TMTC2: variants seen among roughly 807,000 people sequenced by gnomAD.
TMTC2 encodes protein O-mannosyl-transferase TMTC2.
A neutral mutation model predicts 82.4 loss-of-function variants in TMTC2; 43 were observed. That is an observed-to-expected ratio of 0.52 (90% CI 0.41 to 0.67). The LOEUF is 0.67. TMTC2 is among the 30% of genes least tolerant of loss of function. The pLI, the probability that TMTC2 is intolerant of heterozygous loss-of-function variation, is 0.00. For missense variants in TMTC2, 919 were observed against 1,012.4 expected (o/e 0.91, Z 1.25); for synonymous variants, 408 against 381.9 (o/e 1.07, Z -0.80).
At chr12:82,870,667 T>A (rs1420848125) in intron 2 of TMTC2, among the ~76,000 whole-genome samples, 1 of 152,192 alleles carries the variant, frequency 6.6e-6, no homozygotes, top group Non-Finnish European at 1.5e-5. Context: ...GTGGGATTTT[T>A]AAAAAGGCCA....
chr12:82,964,983 T>C, intron 4 of TMTC2, 41 bp from the exon 5 acceptor site: 1 of 1,463,946 alleles, frequency 6.8e-7, no homozygotes, highest in Non-Finnish European at 9.5e-7. Flanking sequence ...TTATATATAA[T>C]AATACAGTCC....
intron 8 of TMTC2, among the ~76,000 whole-genome samples, chr12:83,013,136 TTA>T (rs1195632811): frequency 5.3e-5 from 8 of 152,158 alleles, no homozygotes; most frequent in African/African-American, 1.9e-4. Context: ...GTAATACTAA[TTA>T]TTACAAATAT....
intron 1 of TMTC2, among the ~76,000 whole-genome samples, chr12:82,851,731 T>C (rs1387078338): frequency 6.6e-6 from 1 of 152,200 alleles, no homozygotes; most frequent in Non-Finnish European, 1.5e-5. Context: ...CCTACTGTTA[T>C]TTATTTATTT....
intron 1 of TMTC2, among the ~76,000 whole-genome samples, chr12:82,689,301 A>T (rs1872476940): frequency 6.6e-6 from 1 of 151,386 alleles, no homozygotes; most frequent in South Asian, 2.1e-4. Flanking sequence ...TATAGAGTTT[A>T]TTTAAAAAAA....
At chr12:82,822,209 T>C (rs1869156170) in intron 1 of TMTC2, among the ~76,000 whole-genome samples, 1 of 152,220 alleles carries the variant, frequency 6.6e-6, no homozygotes, top group African/African-American at 2.4e-5. Flanking sequence ...GCAGTGGAAC[T>C]ACTCTGTGTG....
chr12:82,764,751 G>A (rs1251138201), intron 1 of TMTC2, among the ~76,000 whole-genome samples: 1 of 148,652 alleles, frequency 6.7e-6, no homozygotes, highest in African/African-American at 2.5e-5. Flanking sequence ...AAGGGGAAAG[G>A]GTGAGATATT....
chr12:83,036,478 CTTT>C (rs1332894300), intron 9 of TMTC2, among the ~76,000 whole-genome samples: 7 of 103,182 alleles, frequency 6.8e-5, no homozygotes, highest in African/African-American at 9.4e-5. Context: ...GTCCCCGAGT[CTTT>C]TTTTTTTTTT....
At chr12:82,838,623 G>C (rs1283800123) in intron 1 of TMTC2, among the ~76,000 whole-genome samples, 1 of 152,040 alleles carries the variant, frequency 6.6e-6, no homozygotes, top group African/African-American at 2.4e-5. Flanking sequence ...TGAACCCCCT[G>C]GTCTTTTACA....
intron 1 of TMTC2, chr12:82,690,338 G>A: frequency 1.0e-6 from 1 of 984,814 alleles, no homozygotes; most frequent in Non-Finnish European, 1.2e-6. Flanking sequence ...GTTCTGTAAG[G>A]AGAGGCCAGT....
chr12:82,749,982 C>T (rs1293064411), intron 1 of TMTC2, among the ~76,000 whole-genome samples: 1 of 152,116 alleles, frequency 6.6e-6, no homozygotes, highest in Non-Finnish European at 1.5e-5. Context: ...AGGTGATCCA[C>T]CTGCCTCGGC....
At chr12:82,749,511 G>C (rs1232136950) in intron 1 of TMTC2, among the ~76,000 whole-genome samples, 1 of 151,586 alleles carries the variant, frequency 6.6e-6, no homozygotes, top group Non-Finnish European at 1.5e-5. Flanking sequence ...TTTTAATTTG[G>C]TATAAAAGCT....
intron 1 of TMTC2, among the ~76,000 whole-genome samples, chr12:82,772,397 TAATG>T (rs1352016942): frequency 1.3e-5 from 2 of 152,232 alleles, no homozygotes; most frequent in Non-Finnish European, 2.9e-5. Context: ...CTGTTTTATC[TAATG>T]TTGTAGCCAG....
At chr12:82,711,477 C>G (rs1055749712) in intron 1 of TMTC2, among the ~76,000 whole-genome samples, 9 of 151,026 alleles carry the variant, frequency 6.0e-5, no homozygotes, top group Non-Finnish European at 1.2e-4. Flanking sequence ...TATTTGAAAA[C>G]CAGGCATTGG....
intron 9 of TMTC2, among the ~76,000 whole-genome samples, chr12:83,041,182 A>G (rs1308934254): frequency 6.6e-6 from 1 of 152,184 alleles, no homozygotes; most frequent in Non-Finnish European, 1.5e-5. Context: ...ATTCTTTTCA[A>G]TCTGTCTTTG....
chr12:82,769,658 T>C (rs2136993230), intron 1 of TMTC2, among the ~76,000 whole-genome samples: 1 of 152,286 alleles, frequency 6.6e-6, no homozygotes, highest in Admixed American at 6.5e-5. Flanking sequence ...TCGCCCAGGC[T>C]GGAGTGCAGT....
chr12:82,761,438 T>A (rs1484319442), intron 1 of TMTC2, among the ~76,000 whole-genome samples: 1 of 152,102 alleles, frequency 6.6e-6, no homozygotes, highest in African/African-American at 2.4e-5. Context: ...TCAGGGAGAC[T>A]CATACAATTC....
At chr12:83,115,515 A>G (rs1311176916) in intron 11 of TMTC2, among the ~76,000 whole-genome samples, 1 of 152,174 alleles carries the variant, frequency 6.6e-6, no homozygotes, top group African/African-American at 2.4e-5. Context: ...CTTATATAGA[A>G]CTTTTATTTA....
chr12:82,738,992 G>A (rs1403672650), intron 1 of TMTC2, among the ~76,000 whole-genome samples: 2 of 151,556 alleles, frequency 1.3e-5, no homozygotes, highest in Non-Finnish European at 2.9e-5. Flanking sequence ...TACTAAAAAT[G>A]CAAAAATTAG....
chr12:82,868,776 T>C (rs1018948674), intron 2 of TMTC2, among the ~76,000 whole-genome samples: 1 of 150,962 alleles, frequency 6.6e-6, no homozygotes, highest in Non-Finnish European at 1.5e-5. Flanking sequence ...TGGCAGGCAA[T>C]GTTGTTGCAG....
Sources: gnomAD v4.1 joint callset for allele counts (sites outside exome capture counted in the v4.1 genomes callset) on GRCh38, gnomAD v4.1.1 for gene constraint, MANE v1.5 for transcripts, NCBI Gene and HGNC (gene_info 2026-07-23, HGNC 2026-07-21) for gene names.